Variants in SLK observed in about 807,000 individuals in gnomAD.
The protein encoded by SLK is STE20 like kinase, also known as STE20-like serine/threonine-protein kinase.
Under a neutral mutation model 147.7 loss-of-function variants are expected in SLK, and 67 were observed. That is an observed-to-expected ratio of 0.45 (90% CI 0.37 to 0.56). The LOEUF (loss-of-function observed/expected upper bound fraction) is 0.56. Among genes scored for constraint, SLK ranks in the 20% least tolerant of loss-of-function variants. The probability of loss-of-function intolerance (pLI) is 0.00; values close to 1 mark genes in which losing one functional copy is unlikely to be tolerated. For synonymous variants in SLK, 441 were observed against 475.0 expected (o/e 0.93, Z 0.93); for missense variants, 1,136 against 1,438.8 (o/e 0.79, Z 3.41).
chr10:104,010,547 G>A (rs572800901), intron 12 of SLK, among the ~76,000 whole-genome samples: 2 of 152,206 alleles, frequency 1.3e-5, no homozygotes, highest in East Asian at 1.9e-4. Flanking sequence ...TTCTTCGCTG[G>A]TTGTCTTTGG....
intron 5 of SLK, 63 bp from the exon 6 acceptor site, chr10:103,999,056 A>T: frequency 6.5e-7 from 1 of 1,541,794 alleles, no homozygotes. Context: ...ATAATTGATT[A>T]TACCATGTGT....
chr10:103,995,114 G>A (rs539072091), intron 4 of SLK, among the ~76,000 whole-genome samples: 1 of 152,204 alleles, frequency 6.6e-6, no homozygotes, highest in East Asian at 1.9e-4. Flanking sequence ...TATAAAATTA[G>A]TAATGAAGAT....
intron 2 of SLK, among the ~76,000 whole-genome samples, chr10:103,991,648 A>G (rs1347946391): frequency 6.6e-6 from 1 of 151,980 alleles, no homozygotes; most frequent in Admixed American, 6.6e-5. Flanking sequence ...GTAATGATCT[A>G]CCTCCCAAAT....
Position 104,002,429 on chromosome 10 carries a change from A to G in SLK, c.1251A>G (p.Ala417=). The G allele has an allele frequency of 6.2e-7, 1 of 1,614,098 alleles. No individual in the cohort carries two copies. The highest frequency in any genetic ancestry group is 8.5e-7 in the Non-Finnish European group (1 of 1,180,028). ...EAMTELHDRT[A]VIKENEREKR... is the part of the protein sequence containing the mutation. Reference sequence around the variant, plus strand: ...TGACTGAACTCCATGACAGAACAGCAGTAATCAAGGAGAATGAAAGAGAGA... The same window carrying G: ...TGACTGAACTCCATGACAGAACAGCGGTAATCAAGGAGAATGAAAGAGAGA... Residue 417 remains alanine, a synonymous_variant, in exon 9 of 19, where the codon GCA becomes GCG. Transcript: ENST00000369755.
At chr10:103,978,143 A>C (rs1843894714) in intron 1 of SLK, among the ~76,000 whole-genome samples, 1 of 152,102 alleles carries the variant, frequency 6.6e-6, no homozygotes, top group Non-Finnish European at 1.5e-5. Context: ...AAATGTTAGT[A>C]ATTTAGTGAA....
intron 8 of SLK, 90 bp downstream of exon 8, chr10:104,001,662 A>G (rs971400809): frequency 2.9e-6 from 4 of 1,391,742 alleles, no homozygotes; most frequent in East Asian, 4.6e-5. Context: ...ATGGGTGGCA[A>G]CGCAAAACCT....
At chr10:104,016,274 G>A (rs1215747151) in intron 13 of SLK, among the ~76,000 whole-genome samples, 2 of 151,686 alleles carry the variant, frequency 1.3e-5, no homozygotes, top group African/African-American at 2.4e-5. Flanking sequence ...AGCCGAGACC[G>A]TGCCACTGCA....
At chr10:104,018,404 A>G (rs1011152565) in intron 14 of SLK, 115 bp downstream of exon 14, 14 of 943,848 alleles carry the variant, frequency 1.5e-5, no homozygotes, top group Non-Finnish European at 1.9e-5. Context: ...TGCTGGAAAT[A>G]TATCTGAATA....
intron 1 of SLK, among the ~76,000 whole-genome samples, chr10:103,972,438 C>T (rs1843804917): frequency 6.6e-6 from 1 of 152,114 alleles, no homozygotes; most frequent in Admixed American, 6.6e-5. Context: ...TTTGGGAGGC[C>T]GAGGCGGGCG....
chr10:104,001,362 A>T, intron 7 of SLK, 82 bp from the exon 8 acceptor site: 1 of 1,124,020 alleles, frequency 8.9e-7, no homozygotes, highest in Non-Finnish European at 1.3e-6. Context: ...TTTTTACCAC[A>T]TAAGAATGTG....
At chr10:104,013,605 G>T (rs979481653) in intron 13 of SLK, among the ~76,000 whole-genome samples, 8 of 152,158 alleles carry the variant, frequency 5.3e-5, no homozygotes, top group Non-Finnish European at 1.2e-4. Context: ...TTCTCACCTG[G>T]GAGGTGCATT....
At chr10:104,014,645 A>G (rs80315849) in intron 13 of SLK, among the ~76,000 whole-genome samples, 64 of 152,304 alleles carry the variant, frequency 4.2e-4, no homozygotes, top group Non-Finnish European at 4.7e-4. Flanking sequence ...TTTTCATTTA[A>G]AATGATCAAA....
chr10:103,996,694 C>T (rs1322564149), intron 4 of SLK, among the ~76,000 whole-genome samples: 1 of 152,120 alleles, frequency 6.6e-6, no homozygotes, highest in Non-Finnish European at 1.5e-5. Flanking sequence ...CGTGCCCGGC[C>T]TTCTAATAAA....
chr10:103,981,953 A>G (rs1564651680), intron 1 of SLK, among the ~76,000 whole-genome samples: 1 of 152,096 alleles, frequency 6.6e-6, no homozygotes, highest in Non-Finnish European at 1.5e-5. Flanking sequence ...GGCCTCCAAT[A>G]TATGAACATG....
chr10:103,980,796 C>G (rs1057449126), intron 1 of SLK, among the ~76,000 whole-genome samples: 1 of 152,114 alleles, frequency 6.6e-6, no homozygotes, highest in African/African-American at 2.4e-5. Context: ...CGTGGGTGTA[C>G]AAGTATCTCT....
intron 9 of SLK, among the ~76,000 whole-genome samples, chr10:104,003,913 G>A (rs1844289506): frequency 6.6e-6 from 1 of 152,114 alleles, no homozygotes; most frequent in African/African-American, 2.4e-5. Flanking sequence ...ATTTACCATT[G>A]GCCCATACAG....
chr10:103,975,882 C>T (rs949717976), intron 1 of SLK, among the ~76,000 whole-genome samples: 33 of 152,180 alleles, frequency 2.2e-4, no homozygotes, highest in African/African-American at 7.5e-4. Flanking sequence ...CAAGACCAGC[C>T]TGGGCAACAT....
chr10:104,025,475 A>G, intron 18 of SLK, 99 bp from the exon 19 acceptor site: 1 of 1,184,896 alleles, frequency 8.4e-7, no homozygotes, highest in Non-Finnish European at 1.2e-6. Flanking sequence ...ATTATATACA[A>G]AGAAAGTGTT....
chr10:103,987,356 C>T (rs1351506115), intron 1 of SLK, among the ~76,000 whole-genome samples: 2 of 152,040 alleles, frequency 1.3e-5, no homozygotes, highest in Admixed American at 1.3e-4. Context: ...ATCTCCAGGA[C>T]ATCAGTCAAT....
Sources: gnomAD v4.1 joint callset for allele counts (sites outside exome capture counted in the v4.1 genomes callset) on GRCh38, gnomAD v4.1.1 for gene constraint, MANE v1.5 for transcripts, NCBI Gene and HGNC (gene_info 2026-07-23, HGNC 2026-07-21) for gene names.